MAP3K5: variants seen among roughly 807,000 people sequenced by gnomAD.
The protein encoded by MAP3K5 is ASK-1.
In MAP3K5, 56 loss-of-function variants were observed where a neutral mutation model predicts 158.7. The observed-to-expected ratio is 0.35, with a 90% CI of 0.28 to 0.44. The LOEUF is 0.44. MAP3K5 is among the 20% of genes least tolerant of loss of function. The pLI is 1.00. For missense variants in MAP3K5, 1,294 were observed against 1,674.8 expected (o/e 0.77, Z 3.97); for synonymous variants, 579 against 601.7 (o/e 0.96, Z 0.55).
intron 1 of MAP3K5, among the ~76,000 whole-genome samples, chr6:136,779,588 G>A (rs1784533133): frequency 6.6e-6 from 1 of 152,066 alleles, no homozygotes; most frequent in Non-Finnish European, 1.5e-5. Context: ...TATTCAGCTT[G>A]TCAGCTTATG....
chr6:136,722,168 A>T (rs1781770301), intron 1 of MAP3K5, among the ~76,000 whole-genome samples: 1 of 152,226 alleles, frequency 6.6e-6, no homozygotes, highest in African/African-American at 2.4e-5. Context: ...TTAGCTGAAT[A>T]GCTATTAGAA....
intron 1 of MAP3K5, among the ~76,000 whole-genome samples, chr6:136,744,810 T>TA (rs1782863233): frequency 6.6e-6 from 1 of 152,190 alleles, no homozygotes; most frequent in East Asian, 1.9e-4. Flanking sequence ...CCAGAGATCC[T>TA]AATTTACTTG....
At chr6:136,605,393 T>A in intron 18 of MAP3K5, 27 bp from the exon 19 acceptor site, 1 of 1,583,092 alleles carries the variant, frequency 6.3e-7, no homozygotes, top group Non-Finnish European at 8.6e-7. Context: ...CACATTTCCA[T>A]TTTAAAAAGA....
intron 19 of MAP3K5, among the ~76,000 whole-genome samples, chr6:136,603,665 G>A (rs1052434781): frequency 9.2e-5 from 14 of 152,056 alleles, no homozygotes; most frequent in African/African-American, 3.1e-4. Flanking sequence ...AGCTTAGACT[G>A]GCCTAATGTG....
intron 11 of MAP3K5, among the ~76,000 whole-genome samples, chr6:136,648,257 T>C (rs1403357387): frequency 1.3e-5 from 2 of 152,238 alleles, no homozygotes; most frequent in African/African-American, 4.8e-5. Context: ...GAATCAAGCT[T>C]CTGACTCTGC....
chr6:136,637,660 G>GTTTTTT (rs35303108), intron 13 of MAP3K5, among the ~76,000 whole-genome samples: 2 of 149,050 alleles, frequency 1.3e-5, no homozygotes, highest in African/African-American at 2.5e-5. Flanking sequence ...TTCTTGTAAA[G>GTTTTTT]TTTTTTTTTT....
At chr6:136,569,155 C>T (rs764116321) in intron 25 of MAP3K5, among the ~76,000 whole-genome samples, 13 of 152,164 alleles carry the variant, frequency 8.5e-5, no homozygotes, top group Non-Finnish European at 1.3e-4. Context: ...TCTAGTATAG[C>T]ATCCCATGAC....
chr6:136,626,635 C>T (rs985418049), intron 14 of MAP3K5, among the ~76,000 whole-genome samples: 5 of 152,172 alleles, frequency 3.3e-5, no homozygotes, highest in East Asian at 1.9e-4. Flanking sequence ...GTGCCTGCCA[C>T]GCTGGAATTC....
rs1583176989 is a variant in MAP3K5 at position 136,557,598 on chromosome 6, C to A, written c.*160G>T. 1.8e-6 allele frequency: 1 copy of A among 559,614 alleles called. No homozygotes were observed. Among genetic ancestry groups the A allele is most frequent in the Non-Finnish European group, 3.2e-6 (1 of 315,974 alleles). 34.7% of individuals were successfully genotyped at this position (559,614 alleles called of 1,614,324 possible). ...AGAAATAGATGTAGTTAGGAAATTT[C>A]AGTGTGTTTTGTCTGTTTTTTTTTT... On this transcript the variant is annotated 3_prime_UTR_variant, in exon 30 of 30. Transcript: ENST00000359015.
At chr6:136,746,641 G>A (rs1008135098) in intron 1 of MAP3K5, among the ~76,000 whole-genome samples, 1 of 152,032 alleles carries the variant, frequency 6.6e-6, no homozygotes, top group Non-Finnish European at 1.5e-5. Context: ...GTATAATCAT[G>A]GTTTAACAGG....
At chr6:136,598,485 C>G (rs184147348) in intron 21 of MAP3K5, among the ~76,000 whole-genome samples, 2 of 152,192 alleles carry the variant, frequency 1.3e-5, no homozygotes, top group Admixed American at 6.5e-5. Context: ...CATCCTTATA[C>G]GTTCAGGGCC....
Position 136,613,165 on chromosome 6 carries a change from T to G in MAP3K5, c.2370A>C (p.Gly790=), listed in dbSNP as rs1286886827. The G allele has an allele frequency of 6.2e-7, 1 of 1,613,378 alleles. No homozygotes were observed. The highest frequency in any genetic ancestry group is 8.5e-7 in the Non-Finnish European group (1 of 1,179,686). The change falls in exon 17 of 30, where the codon GGA becomes GGC. Residue 790 remains glycine, a synonymous_variant. Coordinates refer to ENST00000359015, the MANE Select transcript of MAP3K5 (RefSeq NM_005923.4). This position sits in a 1 kb window ranked among gnomAD's most constrained non-coding sequence, Gnocchi z 4.0. The part of the protein sequence containing the change: ...IGFYTKQILE[G]LKYLHDNQIV... ...TCTGATTGTCATGGAGATATTTTAA[T>G]CCTTCCAGTATTTGCTTTGTATAAA...
In MAP3K5 at chr6:136,609,189, T is replaced by G. The variant is rs1215538851; in HGVS notation, c.2521+2093A>C. Among the ~76,000 whole-genome samples, 1 of 152,198 alleles carries G rather than the reference T, an allele frequency of 6.6e-6. No individual in the cohort carries two copies. Among genetic ancestry groups the G allele is most frequent in the Non-Finnish European group, 1.5e-5 (1 of 68,020 alleles). On this transcript the variant is annotated intron_variant, in intron 18 of 29. Transcript: ENST00000359015. The surrounding 1 kb of genome is among the most constrained non-coding windows in gnomAD (Gnocchi z 4.4). The stretch of plus-strand genomic sequence containing the variant: ...AAACGAGGGATTTTCCTCTCAGAAA[T>G]TACTGAGTCTTGACAGCACTGAAAC...
At position 136,710,075 on chromosome 6, in the gene MAP3K5, G is replaced by A. The variant is rs75166009; in HGVS notation, c.589-4942C>T. Among the ~76,000 whole-genome samples, 1,953 of 152,276 alleles carry A rather than the reference G, an allele frequency of 0.013. 53 individuals are homozygous for A. The South Asian group carries it at 0.14, about 11-fold the overall frequency. On this transcript the variant is annotated intron_variant, in intron 2 of 29. Coordinates refer to ENST00000359015, the MANE Select transcript of MAP3K5 (RefSeq NM_005923.4). ...CAGTTTATCATGTAACCTTAAAGGA[G>A]GCATCAACTTTAATGGAGCAAAGGT...
intron 23 of MAP3K5, among the ~76,000 whole-genome samples, 183 bp from the exon 24 acceptor site, chr6:136,583,923 A>G (rs1283413463): frequency 6.6e-6 from 1 of 151,912 alleles, no homozygotes; most frequent in Non-Finnish European, 1.5e-5. Flanking sequence ...ACTACTTCCC[A>G]AAGTGCTGGG....
intron 1 of MAP3K5, among the ~76,000 whole-genome samples, chr6:136,788,692 A>G (rs1381652792): frequency 6.6e-6 from 1 of 152,212 alleles, no homozygotes; most frequent in Admixed American, 6.5e-5. Context: ...AATCAAAACC[A>G]CAATGAGATA....
intron 21 of MAP3K5, among the ~76,000 whole-genome samples, chr6:136,598,671 G>A (rs1775737582): frequency 6.6e-6 from 1 of 152,212 alleles, no homozygotes; most frequent in Admixed American, 6.5e-5. Flanking sequence ...CCCCTCTTGA[G>A]GGGAAGCCAA....
In MAP3K5 at chr6:136,557,675, C is replaced by A. The variant is rs150970264; in HGVS notation, c.*83G>T. On this transcript the variant is annotated 3_prime_UTR_variant, in exon 30 of 30. Transcript: ENST00000359015. ...ATTTAAAGTGCAGCGCCTTTCTCCTCTCCCTTCGATTTTCCCACCCCCAAG... is the reference window on the plus strand; with the variant it reads ...ATTTAAAGTGCAGCGCCTTTCTCCTATCCCTTCGATTTTCCCACCCCCAAG... The A allele has an allele frequency of 2.1e-4, 197 of 933,240 alleles. No individual in the cohort carries two copies. In the East Asian group the frequency reaches 3.7e-3, roughly 17 times the overall value. 57.8% of individuals were successfully genotyped at this position (933,240 alleles called of 1,614,324 possible). A position where few individuals can be genotyped will look rare whatever the true frequency, so the allele number is the denominator to read the frequency against.
chr6:136,559,876 G>C (rs1830430824), intron 28 of MAP3K5, among the ~76,000 whole-genome samples: 1 of 152,062 alleles, frequency 6.6e-6, no homozygotes, highest in Non-Finnish European at 1.5e-5. Context: ...TTATTTAGTA[G>C]ATTATCAATT....
Sources: allele counts gnomAD v4.1 joint callset (sites outside exome capture counted in the v4.1 genomes callset), GRCh38; gene constraint gnomAD v4.1.1; non-coding constraint Gnocchi (gnomAD v3.1); transcripts MANE v1.5; gene names NCBI Gene and HGNC (gene_info 2026-07-23, HGNC 2026-07-21).